KLHL13: variants seen among roughly 807,000 people sequenced by gnomAD.
KLHL13 encodes kelch-like protein 13.
In KLHL13, 10 loss-of-function variants were observed where a neutral mutation model predicts 37.1. The observed-to-expected ratio is 0.27, with a 90% CI of 0.17 to 0.46. The LOEUF is 0.46. KLHL13 is among the 20% of genes least tolerant of loss of function. The probability of loss-of-function intolerance (pLI) is 1.00; values close to 1 mark genes in which losing one functional copy is unlikely to be tolerated. For synonymous variants in KLHL13, 163 were observed against 181.2 expected (o/e 0.90, Z 0.81); for missense variants, 360 against 509.3 (o/e 0.71, Z 2.82).
intron 5 of KLHL13, among the ~76,000 whole-genome samples, chrX:117,906,269 C>T (rs899235069): frequency 4.5e-5 from 5 of 111,753 alleles, no homozygotes; most frequent in African/African-American, 1.3e-4. Context: ...TCTTTAGAAT[C>T]AAAATCTGCT....
At chrX:117,936,743 C>G (rs996105688) in intron 2 of KLHL13, among the ~76,000 whole-genome samples, 1 of 110,893 alleles carries the variant, frequency 9.0e-6, no homozygotes, top group African/African-American at 3.3e-5. Flanking sequence ...TCAGGAGTTC[C>G]CTGTGGTATA....
upstream of KLHL13, among the ~76,000 whole-genome samples, chrX:117,974,947 A>G (rs1017997057): frequency 8.9e-6 from 1 of 111,895 alleles, no homozygotes; most frequent in Non-Finnish European, 1.9e-5. Flanking sequence ...CACACAAAAC[A>G]GACTCACAGA....
chrX:117,919,671 C>T, exon 4 of KLHL13: 1 of 1,207,333 alleles, frequency 8.3e-7, no homozygotes, highest in Non-Finnish European at 1.1e-6. Flanking sequence ...CGACTTTGCT[C>T]ACACCATGAA....
In KLHL13 at chrX:117,972,992, G is replaced by A. The variant is rs776252177; in HGVS notation, c.-164C>T. 9.1e-5 allele frequency: 97 copies of A among 1,064,910 alleles called. No individual in the cohort carries two copies. In the Admixed American group the frequency reaches 3.7e-3, roughly 40 times the overall value. The allele number at this position is 1,064,910 out of a possible 1,213,427, so 87.8% of individuals were successfully genotyped here. On this transcript the variant is annotated 5_prime_UTR_variant, in exon 1 of 7. Coordinates refer to ENST00000262820, the Ensembl canonical transcript of KLHL13. ...CCGATGCTTCCAATCTGTAAAATAG[G>A]GCTGTAAGGTACCTCCTTAAATTCT...
chrX:118,107,994 A>G (rs2055364366), intron 1 of KLHL13, among the ~76,000 whole-genome samples: 1 of 112,028 alleles, frequency 8.9e-6, no homozygotes, highest in African/African-American at 3.2e-5. Flanking sequence ...TTGAAGCTGT[A>G]GTGAGCCTTG....
At chrX:117,954,201 C>T (rs1602590775) in intron 1 of KLHL13, among the ~76,000 whole-genome samples, 1 of 112,220 alleles carries the variant, frequency 8.9e-6, no homozygotes, top group East Asian at 2.8e-4. Context: ...ATATTTGCTC[C>T]CTCTGCTTAC....
At chrX:118,026,179 T>A (rs558975007) in intron 1 of KLHL13, among the ~76,000 whole-genome samples, 17 of 111,825 alleles carry the variant, frequency 1.5e-4, no homozygotes, top group African/African-American at 5.2e-4. Context: ...CTTTCCTACG[T>A]TTTCTGTTCA....
intron 2 of KLHL13, among the ~76,000 whole-genome samples, chrX:117,928,299 A>T (rs1932200035): frequency 1.8e-5 from 2 of 112,341 alleles, no homozygotes; most frequent in South Asian, 7.3e-4. Flanking sequence ...GACAAAAACC[A>T]GTAAATATAC....
chrX:117,961,112 T>C (rs899009450), intron 1 of KLHL13, among the ~76,000 whole-genome samples: 1 of 111,945 alleles, frequency 8.9e-6, no homozygotes, highest in African/African-American at 3.2e-5. Flanking sequence ...ATTGTGCCTA[T>C]TTTATAAAAT....
chrX:117,917,813 T>C (rs1931462194), intron 4 of KLHL13, among the ~76,000 whole-genome samples: 1 of 111,946 alleles, frequency 8.9e-6, no homozygotes, highest in Non-Finnish European at 1.9e-5. Flanking sequence ...CATGGCACTT[T>C]CCTTAATTTG....
intron 1 of KLHL13, among the ~76,000 whole-genome samples, chrX:117,967,830 G>A (rs2053462336): frequency 8.9e-6 from 1 of 112,098 alleles, no homozygotes; most frequent in South Asian, 3.7e-4. Context: ...ATCTGAAGAA[G>A]CTAAAAGAAT....
rs189809886 is a variant in KLHL13 at position 118,114,461 on chromosome X, C to T, written c.-56+2047G>A. ...AATATAAATAGTCTTACTATGCAAT[C>T]ACATTAGCAGCAATCTTAGCTTAGA... On this transcript the variant is annotated intron_variant, in intron 1 of 6. Coordinates refer to the KLHL13 transcript ENST00000371882. Among the ~76,000 whole-genome samples the T allele has an allele frequency of 5.4e-5, 6 of 112,136 alleles. No individual in the cohort carries two copies. In the Admixed American group the frequency reaches 5.7e-4, roughly 11 times the overall value.
intron 1 of KLHL13, among the ~76,000 whole-genome samples, chrX:118,066,782 C>T (rs1362459466): frequency 9.0e-6 from 1 of 111,561 alleles, no homozygotes; most frequent in East Asian, 2.8e-4. Context: ...AATTACAACT[C>T]TACAATGAAA....
chrX:118,092,454 A>C (rs775783650), intron 1 of KLHL13, among the ~76,000 whole-genome samples: 93 of 111,427 alleles, frequency 8.3e-4, no homozygotes, highest in Admixed American at 1.7e-3. Flanking sequence ...ATATCAAGCA[A>C]AAACAAAATC....
At chrX:118,115,106 A>C (rs1050300308) in intron 1 of KLHL13, among the ~76,000 whole-genome samples, 2 of 112,698 alleles carry the variant, frequency 1.8e-5, no homozygotes, top group Admixed American at 9.4e-5. Context: ...TGAGGATATT[A>C]ATAAGAACTT....
At chrX:118,012,933 T>C (rs1039906044) in intron 1 of KLHL13, among the ~76,000 whole-genome samples, 1 of 112,222 alleles carries the variant, frequency 8.9e-6, no homozygotes, top group African/African-American at 3.2e-5. Context: ...ATTTATTCAA[T>C]CGTTTATTTC....
intron 1 of KLHL13, among the ~76,000 whole-genome samples, chrX:118,037,623 T>C (rs190153400): frequency 0.052 from 5,678 of 109,841 alleles, 389 homozygotes; most frequent in African/African-American, 0.18. Flanking sequence ...AGGGATAGCA[T>C]TGGGAGATAC....
chrX:118,053,798 T>TGAGAGAGAGAGAGAGAGAGAGAGGAGAG (rs1183708508), intron 1 of KLHL13, among the ~76,000 whole-genome samples: 2 of 25,532 alleles, frequency 7.8e-5, no homozygotes, highest in Non-Finnish European at 1.3e-4. Context: ...TGTGTGTGTG[T>TGAGAGAGAGAGAGAGAGAGAGAGGAGAG]GAGAGAGAGA....
At chrX:118,022,317 G>A (rs987946937) in intron 1 of KLHL13, among the ~76,000 whole-genome samples, 3 of 111,697 alleles carry the variant, frequency 2.7e-5, no homozygotes, top group Non-Finnish European at 3.8e-5. Flanking sequence ...CAGATATCTC[G>A]AGGAAGTGCT....
Sources: gnomAD v4.1 joint callset for allele counts (sites outside exome capture counted in the v4.1 genomes callset) on GRCh38, gnomAD v4.1.1 for gene constraint, MANE v1.5 for transcripts, NCBI Gene and HGNC (gene_info 2026-07-23, HGNC 2026-07-21) for gene names.